RPS6KL1: variants seen among roughly 807,000 people sequenced by gnomAD.
RPS6KL1 encodes the protein ribosomal protein S6 kinase-like 1.
RPS6KL1 carries 41 observed loss-of-function variants against 57.0 expected under a neutral mutation model. The ratio of observed to expected loss-of-function variants is 0.72; its 90% CI spans 0.56 to 0.93. The LOEUF (loss-of-function observed/expected upper bound fraction) is 0.93, where lower values mean the gene tolerates loss of function less well. Ranked by LOEUF, RPS6KL1 falls within the 40% of genes least tolerant of loss-of-function variation. RPS6KL1 has a pLI of 0.00. For missense variants in RPS6KL1, 697 were observed against 727.7 expected, an observed-to-expected ratio of 0.96 and a Z score of 0.49; for synonymous variants, 287 against 309.7, an observed-to-expected ratio of 0.93 and a Z score of 0.77.
In RPS6KL1 at chr14:74,905,861, G is replaced by C. The variant is rs1015906302; in HGVS notation, c.*1153C>G. ...GTGGACCGTGTCAGAAGCGCCACCT[G>C]GTGGTGACTGGGATGCTGGCAGGGA... On this transcript the variant is annotated 3_prime_UTR_variant, in exon 12 of 12. Coordinates refer to ENST00000557413, the MANE Select transcript of RPS6KL1 (RefSeq NM_031464.5). 2 of 153,280 alleles carry C rather than the reference G, an allele frequency of 1.3e-5. No homozygotes were observed. Among genetic ancestry groups the C allele is most frequent in the Non-Finnish European group, 2.9e-5 (2 of 68,832 alleles). The allele number at this position is 153,280 out of a possible 1,614,324, so 9.5% of individuals were successfully genotyped here.
intron 5 of RPS6KL1, among the ~76,000 whole-genome samples, chr14:74,917,316 G>A (rs981151653): frequency 6.6e-6 from 1 of 152,256 alleles, no homozygotes; most frequent in South Asian, 2.1e-4. Context: ...ACAGCTCAGA[G>A]AGCAGGGGGC....
At chr14:74,922,899 G>A (rs555348167) in intron 1 of RPS6KL1, among the ~76,000 whole-genome samples, 5 of 152,338 alleles carry the variant, frequency 3.3e-5, no homozygotes, top group African/African-American at 1.2e-4. Context: ...GATGCGGCCA[G>A]GAGGCAGAGG....
In RPS6KL1 at chr14:74,921,263, G is replaced by T; in HGVS notation, c.265+14C>A. 4.2e-6 allele frequency: 3 copies of T among 711,026 alleles called. No homozygotes were observed. The highest frequency in any genetic ancestry group is 7.4e-6 in the Non-Finnish European group (3 of 407,950). The allele number at this position is 711,026 out of a possible 1,614,324, so 44.0% of individuals were successfully genotyped here. On this transcript the variant is annotated intron_variant, in intron 3 of 11. Transcript: ENST00000557413. ...TCCCCACCCACCCCAGCCCTGCCCA[G>T]CCCCGGTCCTCACCGTGTATGCCAC...
chr14:74,920,178 A>C (rs1227732079), intron 3 of RPS6KL1, among the ~76,000 whole-genome samples: 8 of 152,156 alleles, frequency 5.3e-5, no homozygotes, highest in Non-Finnish European at 8.8e-5. Flanking sequence ...TGGCAGGAGG[A>C]GGTTAGGAAC....
intron 5 of RPS6KL1, among the ~76,000 whole-genome samples, chr14:74,915,048 A>C (rs1886619893): frequency 6.6e-6 from 1 of 152,194 alleles, no homozygotes; most frequent in South Asian, 2.1e-4. Context: ...AATTCTCTGT[A>C]GGACAAGTAT....
At chr14:74,921,861 T>A (rs933970752) in intron 2 of RPS6KL1, 117 bp downstream of exon 2, 1 of 533,548 alleles carries the variant, frequency 1.9e-6, no homozygotes, top group African/African-American at 2.1e-5. Flanking sequence ...CACTGCAACC[T>A]CCACTTCCCA....
At chr14:74,910,258 G>A (rs1240880262) in intron 7 of RPS6KL1, 110 bp from the exon 8 acceptor site, 14 of 1,283,764 alleles carry the variant, frequency 1.1e-5, no homozygotes, top group Non-Finnish European at 1.5e-5. Context: ...CAGACTTTCC[G>A]CCTCTGGGTG....
rs775885744 is a variant in RPS6KL1, at chr14:74,918,583, C to T, written c.413G>A (p.Arg138Gln). The T allele has an allele frequency of 1.8e-5, 27 of 1,534,142 alleles. No homozygotes were observed. Among genetic ancestry groups the T allele is most frequent in the African/African-American group, 4.1e-5 (3 of 73,042 alleles). Residue 138 changes from arginine (R) to glutamine (Q), a missense_variant, in exon 5 of 12, where the codon CGG becomes CAG. By Grantham distance (43) the Arg-to-Gln change is conservative. Coordinates refer to ENST00000557413, the MANE Select transcript of RPS6KL1 (RefSeq NM_031464.5). ...GGCAGAGCTCAGCGTGCGAATGGGCCGGAGCCTCAGGCTGCTGAAACCCTG... is the reference window on the plus strand; with the variant it reads ...GGCAGAGCTCAGCGTGCGAATGGGCTGGAGCCTCAGGCTGCTGAAACCCTG... ...PSAGFSSLRL[R>Q]PIRTLSSAVE...
Position 74,922,483 on chromosome 14 carries a change from G to A in RPS6KL1, c.-526C>T, listed in dbSNP as rs376065226. 8.0e-5 allele frequency: 25 copies of A among 312,996 alleles called. 3 individuals are homozygous for A. The Admixed American group carries it at 1.3e-3, about 16-fold the overall frequency. The allele number at this position is 312,996 out of a possible 1,614,324, so 19.4% of individuals were successfully genotyped here. ...AGCAGAGCACAGAGCTGGGCTGTAA[G>A]AACTGTTGGCAGACGGAATGACTGA... On this transcript the variant is annotated splice_region_variant and 5_prime_UTR_variant, in exon 2 of 12. Transcript: ENST00000557413.
chr14:74,910,193 AAG>A, intron 7 of RPS6KL1, 45 bp from the exon 8 acceptor site: 1 of 1,486,630 alleles, frequency 6.7e-7, no homozygotes, highest in Non-Finnish European at 8.9e-7. Context: ...CAGGGAGAAA[AAG>A]AGTATGGATG....
At chr14:74,916,191 T>C (rs1477136703) in intron 5 of RPS6KL1, among the ~76,000 whole-genome samples, 3 of 152,142 alleles carry the variant, frequency 2.0e-5, no homozygotes. Context: ...AGCTGTGGAA[T>C]GGAACAAGGG....
Position 74,921,312 on chromosome 14 carries a change from T to C in RPS6KL1, c.230A>G (p.Gln77Arg). ...EDYEAAFNHY[Q>R]NGVDVLLRGI... ...ACGGAGCAGCACGTCCACGCCATTC[T>C]GATAGTGGTTGAAGGCCGCCTCATA... The change falls in exon 3 of 12, where the codon CAG becomes CGG. Residue 77 changes from glutamine (Q) to arginine (R), a missense_variant. Physicochemically the swap from Gln to Arg is conservative, Grantham distance 43 (BLOSUM62 1). Coordinates refer to ENST00000557413, the MANE Select transcript of RPS6KL1 (RefSeq NM_031464.5). 1 of 1,599,470 alleles carries C rather than the reference T, an allele frequency of 6.3e-7. No homozygotes were observed.
At chr14:74,907,600 G>C in intron 10 of RPS6KL1, 70 bp from the exon 11 acceptor site, 1 of 1,446,304 alleles carries the variant, frequency 6.9e-7, no homozygotes, top group African/African-American at 1.4e-5. Flanking sequence ...TGGCAGCCAG[G>C]ATTTTTTTTC....
Position 74,906,638 on chromosome 14 carries a change from A to T in RPS6KL1, c.*376T>A. On this transcript the variant is annotated 3_prime_UTR_variant, in exon 12 of 12. Transcript: ENST00000557413. ...AGAGATGTCCTGAGTGGGGCACAAC[A>T]TGGCAGTGAGTGAGTCACAGAACCT... The T allele has an allele frequency of 1.9e-6, 1 of 534,756 alleles. No individual in the cohort carries two copies. The highest frequency in any genetic ancestry group is 1.4e-5 in the South Asian group (1 of 69,022). 33.1% of individuals were successfully genotyped at this position (534,756 alleles called of 1,614,324 possible).
chr14:74,913,418 A>G (rs1293608152), intron 5 of RPS6KL1, among the ~76,000 whole-genome samples: 5 of 152,158 alleles, frequency 3.3e-5, no homozygotes, highest in African/African-American at 4.8e-5. Context: ...TTAGCTGGGC[A>G]TAGTGGTGCC....
intron 4 of RPS6KL1, among the ~76,000 whole-genome samples, 190 bp from the exon 5 acceptor site, chr14:74,918,795 T>C (rs886369041): frequency 6.6e-6 from 1 of 152,194 alleles, no homozygotes; most frequent in African/African-American, 2.4e-5. Context: ...TAGGCACCCA[T>C]ACTGGTCCAG....
Position 74,909,955 on chromosome 14 carries a change from G to T in RPS6KL1, c.858C>A (p.Asn286Lys), listed in dbSNP as rs746198593. ...IALEPPRTSP[N>K]LLLAGEAPST... ...ATGGGGCCTCCCCAGCTAGGAGAAG[G>T]TTCGGAGAAGTCCTAGGAGGCTCCA... The change falls in exon 8 of 12, where the codon AAC becomes AAA. Residue 286 changes from asparagine (N) to lysine (K), a missense_variant. Physicochemically the swap from Asn to Lys is moderately conservative, Grantham distance 94 (BLOSUM62 0). Coordinates refer to ENST00000557413, the MANE Select transcript of RPS6KL1 (RefSeq NM_031464.5). The T allele has an allele frequency of 1.2e-6, 2 of 1,614,166 alleles. No individual in the cohort carries two copies. Among genetic ancestry groups the T allele is most frequent in the Non-Finnish European group, 1.7e-6 (2 of 1,179,994 alleles).
In RPS6KL1 at chr14:74,921,148, C is replaced by T. The variant is rs529396590; in HGVS notation, c.265+129G>A. The T allele has an allele frequency of 8.7e-4, 679 of 778,594 alleles. 3 individuals carry two copies. Among genetic ancestry groups the T allele is most frequent in the Middle Eastern group, 1.5e-3 (4 of 2,694 alleles). 48.2% of individuals were successfully genotyped at this position (778,594 alleles called of 1,614,324 possible). On this transcript the variant is annotated intron_variant, in intron 3 of 11. Transcript: ENST00000557413. ...AGCTATCATTGTCTTTTATGGAGGCCCTGCAGGCCAGCATAGTGCCGTGCT... is the reference window on the plus strand; with the variant it reads ...AGCTATCATTGTCTTTTATGGAGGCTCTGCAGGCCAGCATAGTGCCGTGCT...
intron 5 of RPS6KL1, among the ~76,000 whole-genome samples, chr14:74,915,155 T>C (rs1158893965): frequency 6.6e-6 from 1 of 152,232 alleles, no homozygotes; most frequent in Non-Finnish European, 1.5e-5. Flanking sequence ...ATGGGGCCAT[T>C]GAGCACTTGA....
Sources: allele counts gnomAD v4.1 joint callset (sites outside exome capture counted in the v4.1 genomes callset), GRCh38; gene constraint gnomAD v4.1.1; transcripts MANE v1.5; gene names NCBI Gene and HGNC (gene_info 2026-07-23, HGNC 2026-07-21).